MCTP2: variants seen among roughly 807,000 people sequenced by gnomAD.
The protein encoded by MCTP2 is multiple C2 and transmembrane domain containing 2.
Under a neutral mutation model 111.6 loss-of-function variants are expected in MCTP2, and 132 were observed. The ratio of observed to expected loss-of-function variants is 1.18; its 90% CI spans 1.03 to 1.37. The LOEUF is 1.37. MCTP2 is among the 40% of genes most tolerant of loss of function. The pLI, the probability that MCTP2 is intolerant of heterozygous loss-of-function variation, is 0.00. For synonymous variants in MCTP2, 395 were observed against 387.7 expected (o/e 1.02, Z -0.22); for missense variants, 1,183 against 1,067.9 (o/e 1.11, Z -1.50).
chr15:94,418,463 AACTGCTC>A (rs1378471654), intron 17 of MCTP2, among the ~76,000 whole-genome samples: 1 of 152,158 alleles, frequency 6.6e-6, no homozygotes. Context: ...TCAGACTTTC[AACTGCTC>A]AATTACCACC....
chr15:94,248,297 G>A (rs116839117), intron 1 of MCTP2, among the ~76,000 whole-genome samples: 4 of 152,098 alleles, frequency 2.6e-5, no homozygotes, highest in Admixed American at 2.0e-4. Flanking sequence ...CTCCTTATGC[G>A]AGGTTTCTAG....
intron 12 of MCTP2, among the ~76,000 whole-genome samples, chr15:94,373,111 T>C (rs964133791): frequency 5.9e-5 from 9 of 152,222 alleles, no homozygotes; most frequent in African/African-American, 2.2e-4. Flanking sequence ...TGGTAAACTC[T>C]GTGGTCAGTA....
intron 1 of MCTP2, among the ~76,000 whole-genome samples, chr15:94,296,138 C>A (rs2075266316): frequency 6.6e-6 from 1 of 152,102 alleles, no homozygotes; most frequent in East Asian, 1.9e-4. Flanking sequence ...CCTCCCAGGT[C>A]TCCATAGAGT....
At chr15:94,403,324 G>T (rs1378647786) in intron 17 of MCTP2, 1 of 866,332 alleles carries the variant, frequency 1.2e-6, no homozygotes, top group African/African-American at 1.8e-5. Context: ...TCCTCAGCTG[G>T]TGGCTTCATG....
At chr15:94,233,224 G>A (rs906586979) in intron 1 of MCTP2, among the ~76,000 whole-genome samples, 1 of 151,992 alleles carries the variant, frequency 6.6e-6, no homozygotes, top group African/African-American at 2.4e-5. Context: ...GTCAAGCTGT[G>A]ACCTATCTGT....
chr15:94,314,318 A>G lies in MCTP2; in HGVS notation c.502A>G (p.Thr168Ala). Residue 168 changes from threonine (T) to alanine (A), a missense_variant, in exon 3 of 23, where the codon ACA becomes GCA. Transcript: ENST00000357742. ...AAGCAGTGACCTGAATGCTTCTATG[A>G]CATCTCAACATTTTGAAGAACAATC... The part of the protein sequence containing the change: ...CGSSDLNASM[T>A]SQHFEEQSVP... 1 of 1,609,216 alleles carries G rather than the reference A, an allele frequency of 6.2e-7. No individual in the cohort carries two copies.
chr15:94,404,304 G>GTT (rs796532680), intron 17 of MCTP2, among the ~76,000 whole-genome samples: 85 of 136,934 alleles, frequency 6.2e-4, no homozygotes, highest in Admixed American at 2.7e-3. Flanking sequence ...ATTTTTTATT[G>GTT]TTTTTTTTTT....
At chr15:94,377,775 A>G (rs1425909324) in intron 12 of MCTP2, among the ~76,000 whole-genome samples, 1 of 152,132 alleles carries the variant, frequency 6.6e-6, no homozygotes, top group Non-Finnish European at 1.5e-5. Context: ...TTCTTATGGA[A>G]GGGATGCCTG....
intron 10 of MCTP2, among the ~76,000 whole-genome samples, chr15:94,359,365 A>G (rs1287389522): frequency 6.6e-6 from 1 of 152,180 alleles, no homozygotes; most frequent in Non-Finnish European, 1.5e-5. Flanking sequence ...GTGTTTTCAA[A>G]CACCAAGTAG....
At chr15:94,343,680 C>G (rs1185552433) in intron 7 of MCTP2, 1 of 152,110 alleles carries the variant, frequency 6.6e-6, no homozygotes, top group Non-Finnish European at 1.5e-5. Context: ...CTCAGACTGC[C>G]TGGGTCTGAA....
chr15:94,309,773 G>C lies in MCTP2; in HGVS notation c.466-4509G>C, dbSNP rs113942497. Among the ~76,000 whole-genome samples the C allele has an allele frequency of 1.0e-2, 1,520 of 152,208 alleles. 22 individuals carry two copies. Among genetic ancestry groups the C allele is most frequent in the African/African-American group, 0.034 (1,411 of 41,536 alleles). ...AATCCACATCTAAAGGGAATGCAAA[G>C]TATGTATTACCTTCCCATAAATTTC... On this transcript the variant is annotated intron_variant, in intron 2 of 22. Transcript: ENST00000357742.
intron 1 of MCTP2, among the ~76,000 whole-genome samples, chr15:94,283,399 C>T (rs1416821786): frequency 1.3e-5 from 2 of 152,134 alleles, no homozygotes; most frequent in African/African-American, 2.4e-5. Context: ...GCAGATAGTC[C>T]CATGCCAACC....
At chr15:94,348,916 G>A (rs981590201) in intron 8 of MCTP2, among the ~76,000 whole-genome samples, 2 of 152,016 alleles carry the variant, frequency 1.3e-5, no homozygotes, top group African/African-American at 2.4e-5. Flanking sequence ...AAGGATTGGA[G>A]AACTGAATAC....
chr15:94,273,305 C>T (rs1397818150), intron 1 of MCTP2, among the ~76,000 whole-genome samples: 1 of 152,160 alleles, frequency 6.6e-6, no homozygotes, highest in Non-Finnish European at 1.5e-5. Context: ...ACAAAGGGAG[C>T]CTCTAATTTC....
At position 94,278,756 on chromosome 15, in the gene MCTP2, G is replaced by A. The variant is rs186820174; in HGVS notation, c.-65-19445G>A. Among the ~76,000 whole-genome samples the A allele has an allele frequency of 3.5e-4, 52 of 149,532 alleles. 2 individuals are homozygous for A. The highest frequency in any genetic ancestry group is 1.2e-3 in the African/African-American group (51 of 41,312). ...TACCCTCAAGTAGGCCGTGGTGTCT[G>A]TCATTCCCTTCCTTGTGTCTATATG... On this transcript the variant is annotated intron_variant, in intron 1 of 22. Transcript: ENST00000357742.
chr15:94,452,328 T>TA (rs2084514906), intron 19 of MCTP2, among the ~76,000 whole-genome samples: 1 of 152,176 alleles, frequency 6.6e-6, no homozygotes, highest in Non-Finnish European at 1.5e-5. Flanking sequence ...GCTATTAGGA[T>TA]GATTAAAATG....
Position 94,370,076 on chromosome 15 carries a change from T to C in MCTP2, c.1489-11T>C. Reference sequence around the variant, plus strand: ...AGCTGTTTTCACTTGTATCACCTTTTCAACCCTCAGTGCTTACAGAACTCC... The same window carrying C: ...AGCTGTTTTCACTTGTATCACCTTTCCAACCCTCAGTGCTTACAGAACTCC... On this transcript the variant is annotated splice_polypyrimidine_tract_variant and intron_variant, in intron 11 of 22. Coordinates refer to ENST00000357742, the MANE Select transcript of MCTP2 (RefSeq NM_001385001.1). 1 of 1,602,708 alleles carries C rather than the reference T, an allele frequency of 6.2e-7. No individual in the cohort carries two copies. The highest frequency in any genetic ancestry group is 2.2e-5 in the East Asian group (1 of 44,592).
intron 10 of MCTP2, among the ~76,000 whole-genome samples, chr15:94,363,774 G>T (rs2079053222): frequency 6.6e-6 from 1 of 151,992 alleles, no homozygotes; most frequent in Non-Finnish European, 1.5e-5. Context: ...AAAATTTCCT[G>T]GTCACCTAAG....
chr15:94,326,032 G>A (rs1031405482), intron 4 of MCTP2, among the ~76,000 whole-genome samples: 1 of 151,822 alleles, frequency 6.6e-6, no homozygotes, highest in African/African-American at 2.4e-5. Context: ...TGTTGGCCAG[G>A]ATGGTCTCGA....
Sources: allele counts gnomAD v4.1 joint callset (sites outside exome capture counted in the v4.1 genomes callset), GRCh38; gene constraint gnomAD v4.1.1; transcripts MANE v1.5; gene names NCBI Gene and HGNC (gene_info 2026-07-23, HGNC 2026-07-21).